Variants in METTL16 observed in about 807,000 individuals in gnomAD.
The protein encoded by METTL16 is methyltransferase 16, RNA N6-adenosine.
METTL16 carries 19 observed loss-of-function variants against 57.9 expected under a neutral mutation model. The observed-to-expected ratio is 0.33, with a 90% CI of 0.23 to 0.48. The LOEUF (loss-of-function observed/expected upper bound fraction) is 0.48, where lower values mean the gene tolerates loss of function less well. Ranked by LOEUF, METTL16 falls within the 20% of genes least tolerant of loss-of-function variation. The probability of loss-of-function intolerance (pLI) is 0.99; values close to 1 mark genes in which losing one functional copy is unlikely to be tolerated. For missense variants in METTL16, 434 were observed against 691.5 expected, an observed-to-expected ratio of 0.63 and a Z score of 4.18; for synonymous variants, 246 against 255.6, an observed-to-expected ratio of 0.96 and a Z score of 0.36.
At chr17:2,457,428 C>T (rs180906062) in intron 6 of METTL16, among the ~76,000 whole-genome samples, 17 of 144,682 alleles carry the variant, frequency 1.2e-4, no homozygotes, top group Non-Finnish European at 2.4e-4. Context: ...AAAAATCGGC[C>T]GGGCACAGTG....
chr17:2,464,403 G>C (rs987921791), intron 5 of METTL16, 53 bp from the exon 6 acceptor site: 6 of 1,498,234 alleles, frequency 4.0e-6, no homozygotes, highest in Non-Finnish European at 5.4e-6. Context: ...CAAGAACCAA[G>C]TTTGAATGTA....
At chr17:2,424,701 C>A (rs960807732) in intron 8 of METTL16, among the ~76,000 whole-genome samples, 1 of 152,104 alleles carries the variant, frequency 6.6e-6, no homozygotes, top group African/African-American at 2.4e-5. Flanking sequence ...GTAATCCCAG[C>A]ATTTTGGGAG....
chr17:2,483,272 T>G (rs1347684552), intron 2 of METTL16, among the ~76,000 whole-genome samples: 1 of 152,134 alleles, frequency 6.6e-6, no homozygotes, highest in South Asian at 2.1e-4. Context: ...CAGACAACCT[T>G]AATTTTTGGA....
chr17:2,476,727 A>T (rs994138041), intron 3 of METTL16, among the ~76,000 whole-genome samples: 3 of 152,174 alleles, frequency 2.0e-5, no homozygotes, highest in Non-Finnish European at 4.4e-5. Context: ...AGGACGAGGC[A>T]GGCGGATCAC....
chr17:2,423,115 G>A (rs368525692), intron 8 of METTL16, among the ~76,000 whole-genome samples: 4 of 152,140 alleles, frequency 2.6e-5, no homozygotes, highest in East Asian at 1.9e-4. Flanking sequence ...CAGCGCACAC[G>A]CACACATGCA....
At chr17:2,465,729 G>A (rs926762417) in intron 5 of METTL16, among the ~76,000 whole-genome samples, 14 of 151,088 alleles carry the variant, frequency 9.3e-5, no homozygotes, top group African/African-American at 3.2e-4. Flanking sequence ...AGCCACACGC[G>A]GTGGTGTCCA....
chr17:2,452,259 G>A (rs2067076966), intron 6 of METTL16, among the ~76,000 whole-genome samples: 1 of 152,188 alleles, frequency 6.6e-6, no homozygotes, highest in Non-Finnish European at 1.5e-5. Flanking sequence ...AGACACTCGG[G>A]AGGGAGTTCA....
intron 6 of METTL16, among the ~76,000 whole-genome samples, chr17:2,447,767 C>A (rs1349661959): frequency 3.0e-5 from 4 of 132,656 alleles, no homozygotes; most frequent in African/African-American, 1.2e-4. Context: ...GGGATCAGCC[C>A]CCCGCCCGGC....
chr17:2,435,639 G>C (rs941264974), intron 8 of METTL16, among the ~76,000 whole-genome samples: 3 of 152,120 alleles, frequency 2.0e-5, no homozygotes, highest in African/African-American at 7.2e-5. Flanking sequence ...ACACTTGGGA[G>C]TGCATTATTA....
chr17:2,438,725 C>T (rs1337810483), intron 7 of METTL16, among the ~76,000 whole-genome samples: 1 of 152,146 alleles, frequency 6.6e-6, no homozygotes, highest in Non-Finnish European at 1.5e-5. Context: ...AACTCCTGAC[C>T]TCAGGCGATC....
chr17:2,444,752 C>T lies in METTL16; in HGVS notation c.729-3193G>A, dbSNP rs1194208815. On this transcript the variant is annotated intron_variant, in intron 6 of 9. Coordinates refer to ENST00000263092, the MANE Select transcript of METTL16 (RefSeq NM_024086.4). ...TTTTTGAGATGGAGTTTCGCTCTGT[C>T]GCCCAGGCTGCAGTGCAGTGGCGTG... Among the ~76,000 whole-genome samples, 12 of 147,032 alleles carry T rather than the reference C, an allele frequency of 8.2e-5. No individual in the cohort carries two copies. The South Asian group carries it at 2.2e-3, about 27-fold the overall frequency.
chr17:2,454,066 C>T (rs1186867903), intron 6 of METTL16, among the ~76,000 whole-genome samples: 3 of 152,050 alleles, frequency 2.0e-5, no homozygotes, highest in Non-Finnish European at 4.4e-5. Flanking sequence ...CATGTTGTCC[C>T]AGCTTTGCCC....
Position 2,419,040 on chromosome 17 carries a change from A to T in METTL16, c.*930T>A, listed in dbSNP as rs533630113. The T allele has an allele frequency of 2.6e-5, 4 of 153,414 alleles. No individual in the cohort carries two copies. Among genetic ancestry groups the T allele is most frequent in the African/African-American group, 9.6e-5 (4 of 41,580 alleles). The allele number at this position is 153,414 out of a possible 1,614,324, so 9.5% of individuals were successfully genotyped here. ...TGAAGCCACAAAAAAACAGTATTTGATCAGCAACAAAATATCTGAGACTTT... is the reference window on the plus strand; with the variant it reads ...TGAAGCCACAAAAAAACAGTATTTGTTCAGCAACAAAATATCTGAGACTTT... On this transcript the variant is annotated 3_prime_UTR_variant, in exon 10 of 10. Coordinates refer to ENST00000263092, the MANE Select transcript of METTL16 (RefSeq NM_024086.4).
At chr17:2,481,368 C>T (rs934855527) in intron 2 of METTL16, among the ~76,000 whole-genome samples, 1 of 151,930 alleles carries the variant, frequency 6.6e-6, no homozygotes, top group African/African-American at 2.4e-5. Context: ...ACAGATACCC[C>T]CTTAACGAAG....
intron 6 of METTL16, among the ~76,000 whole-genome samples, chr17:2,462,228 A>T (rs945981945): frequency 6.6e-6 from 1 of 152,230 alleles, no homozygotes; most frequent in Admixed American, 6.5e-5. Context: ...CCAGTCATAA[A>T]AGGACAAATA....
chr17:2,454,268 A>T (rs1227297826), intron 6 of METTL16, among the ~76,000 whole-genome samples: 3 of 152,186 alleles, frequency 2.0e-5, no homozygotes, highest in Non-Finnish European at 4.4e-5. Flanking sequence ...CAAGTGAAGT[A>T]TAATATAGAA....
At chr17:2,488,412 C>T (rs576706132) in intron 2 of METTL16, among the ~76,000 whole-genome samples, 1 of 151,888 alleles carries the variant, frequency 6.6e-6, no homozygotes, top group African/African-American at 2.4e-5. Context: ...CAAAAATTAG[C>T]CAGGCTTGGT....
chr17:2,443,015 AG>A (rs1399009230), intron 6 of METTL16, among the ~76,000 whole-genome samples: 1 of 151,544 alleles, frequency 6.6e-6, no homozygotes, highest in Non-Finnish European at 1.5e-5. Context: ...TTTGAGACAG[AG>A]TACCACTCTG....
At chr17:2,476,698 G>C (rs2067270806) in intron 3 of METTL16, among the ~76,000 whole-genome samples, 1 of 152,242 alleles carries the variant, frequency 6.6e-6, no homozygotes, top group Admixed American at 6.5e-5. Flanking sequence ...GCTCACGCCT[G>C]TAATCCCAGC....
Sources: allele counts gnomAD v4.1 joint callset (sites outside exome capture counted in the v4.1 genomes callset), GRCh38; gene constraint gnomAD v4.1.1; transcripts MANE v1.5; gene names NCBI Gene and HGNC (gene_info 2026-07-23, HGNC 2026-07-21).